The following GRM5 variants were observed in gnomAD, a reference collection of about 807,000 sequenced individuals.
GRM5 encodes the protein glutamate metabotropic receptor 5.
Under a neutral mutation model 83.1 loss-of-function variants are expected in GRM5, and 19 were observed. The ratio of observed to expected loss-of-function variants is 0.23; its 90% CI spans 0.16 to 0.34. The LOEUF (loss-of-function observed/expected upper bound fraction) is 0.34, where lower values mean the gene tolerates loss of function less well. Among genes scored for constraint, GRM5 ranks in the 10% least tolerant of loss-of-function variants. The probability of loss-of-function intolerance (pLI) is 1.00; values close to 1 mark genes in which losing one functional copy is unlikely to be tolerated. For missense variants in GRM5, 1,160 were observed against 1,588.3 expected (o/e 0.73, Z 4.58); for synonymous variants, 675 against 633.6 (o/e 1.07, Z -0.98).
rs771697875 is a variant in GRM5 at position 89,054,435 on chromosome 11, G to A, written c.-200-6363C>T. Among the ~76,000 whole-genome samples the A allele has an allele frequency of 2.6e-4, 40 of 152,266 alleles. No homozygotes were observed. The Middle Eastern group carries it at 0.017, about 65-fold the overall frequency. Reference sequence around the variant, plus strand: ...AAGTTCAATTTTGATATATCAAGTTGCACATACTAGAAACTCAAGAAGAGA... The same window carrying A: ...AAGTTCAATTTTGATATATCAAGTTACACATACTAGAAACTCAAGAAGAGA... On this transcript the variant is annotated intron_variant, in intron 1 of 9. Transcript: ENST00000305447.
At chr11:88,915,235 T>G (rs1590960946) in intron 2 of GRM5, among the ~76,000 whole-genome samples, 1 of 152,106 alleles carries the variant, frequency 6.6e-6, no homozygotes, top group Non-Finnish European at 1.5e-5. Context: ...CATCAATAAA[T>G]ATACTATGAA....
chr11:88,522,607 G>C (rs202149280), intron 9 of GRM5, among the ~76,000 whole-genome samples: 2,038 of 88,558 alleles, frequency 0.023, 21 homozygotes, highest in African/African-American at 0.058. Flanking sequence ...CTCTCTCTGT[G>C]TGTGTGTGTG....
chr11:89,060,568 G>A (rs575304496), intron 1 of GRM5, among the ~76,000 whole-genome samples: 5 of 152,174 alleles, frequency 3.3e-5, no homozygotes, highest in African/African-American at 1.2e-4. Flanking sequence ...TTAGCATGAT[G>A]CCTGACGTGC....
chr11:88,904,530 T>C (rs1176380735), intron 2 of GRM5, among the ~76,000 whole-genome samples: 4 of 152,156 alleles, frequency 2.6e-5, no homozygotes, highest in Admixed American at 2.0e-4. Flanking sequence ...ATATATTCTA[T>C]CCCTTAGTTT....
chr11:88,811,210 C>G (rs894536164), intron 3 of GRM5, among the ~76,000 whole-genome samples: 7 of 152,038 alleles, frequency 4.6e-5, no homozygotes, highest in African/African-American at 1.4e-4. Context: ...AGGACAGAGA[C>G]TAAGCTGGTG....
At chr11:88,758,288 A>C (rs1942438633) in intron 3 of GRM5, among the ~76,000 whole-genome samples, 1 of 152,198 alleles carries the variant, frequency 6.6e-6, no homozygotes, top group Admixed American at 6.5e-5. Context: ...AAGATCACTG[A>C]GAGGCAGTAG....
chr11:88,754,693 T>C (rs928907661), intron 3 of GRM5, among the ~76,000 whole-genome samples: 14 of 152,172 alleles, frequency 9.2e-5, no homozygotes. Flanking sequence ...TAAGTGCATA[T>C]GTGAGGGTCT....
At chr11:88,740,506 A>G (rs1328641610) in intron 3 of GRM5, among the ~76,000 whole-genome samples, 1 of 152,048 alleles carries the variant, frequency 6.6e-6, no homozygotes, top group Non-Finnish European at 1.5e-5. Flanking sequence ...ATTAATTGTC[A>G]TAGTAACCAT....
At chr11:88,621,557 C>T (rs1195968948) in intron 4 of GRM5, among the ~76,000 whole-genome samples, 1 of 152,022 alleles carries the variant, frequency 6.6e-6, no homozygotes, top group Non-Finnish European at 1.5e-5. Context: ...TAGAAACTTG[C>T]TAATTGTTAT....
At chr11:88,827,357 AT>A (rs1943910401) in intron 3 of GRM5, among the ~76,000 whole-genome samples, 1 of 152,154 alleles carries the variant, frequency 6.6e-6, no homozygotes, top group African/African-American at 2.4e-5. Context: ...ACATCCTTAC[AT>A]GCATACTCAT....
At chr11:89,019,208 G>C (rs1254068272) in intron 2 of GRM5, among the ~76,000 whole-genome samples, 1 of 152,092 alleles carries the variant, frequency 6.6e-6, no homozygotes. Flanking sequence ...AGATTACATT[G>C]GGGTTGTATG....
At chr11:88,548,125 C>A (rs945213595) in intron 8 of GRM5, among the ~76,000 whole-genome samples, 10 of 152,156 alleles carry the variant, frequency 6.6e-5, no homozygotes, top group African/African-American at 2.4e-4. Context: ...TGTTTAATTT[C>A]TTTCCTTGTT....
At chr11:88,617,330 GA>G (rs1177820316) in intron 4 of GRM5, among the ~76,000 whole-genome samples, 1 of 152,130 alleles carries the variant, frequency 6.6e-6, no homozygotes, top group Non-Finnish European at 1.5e-5. Flanking sequence ...TGAGAACTCT[GA>G]AAAATAAGTA....
chr11:88,984,076 G>C (rs1939611920), intron 2 of GRM5, among the ~76,000 whole-genome samples: 1 of 152,038 alleles, frequency 6.6e-6, no homozygotes, highest in Non-Finnish European at 1.5e-5. Context: ...AAGTAAAAAA[G>C]TTACAGTAAG....
chr11:89,018,538 T>G (rs1940911563), intron 2 of GRM5, among the ~76,000 whole-genome samples: 1 of 152,172 alleles, frequency 6.6e-6, no homozygotes, highest in Admixed American at 6.5e-5. Context: ...CTACTATGTC[T>G]TGGACATTTA....
chr11:88,818,069 G>C (rs1318907887), intron 3 of GRM5, among the ~76,000 whole-genome samples: 1 of 151,312 alleles, frequency 6.6e-6, no homozygotes, highest in African/African-American at 2.4e-5. Flanking sequence ...GTTCCTTTTT[G>C]GTATGAAAAG....
At chr11:88,728,824 C>G (rs1941740889) in intron 3 of GRM5, among the ~76,000 whole-genome samples, 1 of 152,024 alleles carries the variant, frequency 6.6e-6, no homozygotes, top group South Asian at 2.1e-4. Context: ...AAATTCAACA[C>G]CCCTTCATGC....
At chr11:88,868,872 G>T (rs1289417795) in intron 2 of GRM5, among the ~76,000 whole-genome samples, 1 of 151,680 alleles carries the variant, frequency 6.6e-6, no homozygotes, top group Non-Finnish European at 1.5e-5. Flanking sequence ...AAAGCACCTT[G>T]ATTGGATTCC....
chr11:89,016,033 G>A (rs563159399), intron 2 of GRM5, among the ~76,000 whole-genome samples: 4 of 151,992 alleles, frequency 2.6e-5, no homozygotes, highest in African/African-American at 9.7e-5. Flanking sequence ...TCAAAACCCA[G>A]TTGGAAGGAA....
Sources: allele counts gnomAD v4.1 joint callset (sites outside exome capture counted in the v4.1 genomes callset), GRCh38; gene constraint gnomAD v4.1.1; transcripts MANE v1.5; gene names NCBI Gene and HGNC (gene_info 2026-07-23, HGNC 2026-07-21).